The following CLYBL variants were observed in gnomAD, a reference collection of about 807,000 sequenced individuals.
The protein encoded by CLYBL is citramalyl-CoA lyase.
A neutral mutation model predicts 38.9 loss-of-function variants in CLYBL; 31 were observed. The ratio of observed to expected loss-of-function variants is 0.80; its 90% CI spans 0.60 to 1.08. The LOEUF is 1.08. Ranked by LOEUF, CLYBL falls within the 50% of genes least tolerant of loss-of-function variation. CLYBL has a pLI of 0.00. For synonymous variants in CLYBL, 171 were observed against 158.6 expected (o/e 1.08, Z -0.59); for missense variants, 434 against 411.6 (o/e 1.05, Z -0.47).
intron 1 of CLYBL, among the ~76,000 whole-genome samples, chr13:99,680,471 C>T (rs2047719163): frequency 6.6e-6 from 1 of 152,188 alleles, no homozygotes; most frequent in South Asian, 2.1e-4. Context: ...TCTAAGTTGA[C>T]CAACCTTGTA....
At chr13:99,727,220 A>G (rs1462479686) in intron 1 of CLYBL, 1 of 152,130 alleles carries the variant, frequency 6.6e-6, no homozygotes. Context: ...GGCCTGGGGA[A>G]TAGACCTGCC....
intron 7 of CLYBL, among the ~76,000 whole-genome samples, chr13:99,876,694 G>T (rs1413361609): frequency 1.3e-5 from 2 of 152,138 alleles, no homozygotes; most frequent in Admixed American, 1.3e-4. Flanking sequence ...TTCAGAAGCT[G>T]CCCAGTATCA....
At chr13:99,705,870 A>G (rs2048138893) in intron 1 of CLYBL, among the ~76,000 whole-genome samples, 1 of 152,074 alleles carries the variant, frequency 6.6e-6, no homozygotes, top group East Asian at 1.9e-4. Context: ...ACAAAACTAT[A>G]CCTAAAAATG....
chr13:99,650,436 T>G (rs1324848736), intron 1 of CLYBL, among the ~76,000 whole-genome samples: 1 of 152,110 alleles, frequency 6.6e-6, no homozygotes, highest in Non-Finnish European at 1.5e-5. Context: ...AAAGAAGTTT[T>G]CAAGAGGGGA....
At chr13:99,743,996 G>A (rs1432065490) in intron 1 of CLYBL, among the ~76,000 whole-genome samples, 1 of 123,874 alleles carries the variant, frequency 8.1e-6, no homozygotes, top group African/African-American at 3.3e-5. Flanking sequence ...TTTTTGAGAC[G>A]GAGTTTCGCT....
At chr13:99,638,947 G>A (rs531868263) in intron 1 of CLYBL, among the ~76,000 whole-genome samples, 16 of 152,126 alleles carry the variant, frequency 1.1e-4, no homozygotes, top group Non-Finnish European at 2.1e-4. Flanking sequence ...AGCTGGGATC[G>A]CAACCACAGG....
intron 2 of CLYBL, among the ~76,000 whole-genome samples, chr13:99,839,296 T>C (rs984835612): frequency 6.6e-6 from 1 of 152,166 alleles, no homozygotes; most frequent in Non-Finnish European, 1.5e-5. Flanking sequence ...TGATCAGAAC[T>C]AGGAGGGTTC....
In CLYBL at chr13:99,857,025, G is replaced by A. The variant is rs139252741; in HGVS notation, c.250-1836G>A. On this transcript the variant is annotated intron_variant, in intron 2 of 8. Coordinates refer to ENST00000339105, the MANE Select transcript of CLYBL (RefSeq NM_206808.5). ...TCTGCTCTTCACCTTTAAGATTTTC[G>A]TATTTAGGGCCGGGCACCGTGGCTC... Among the ~76,000 whole-genome samples, 24 of 151,682 alleles carry A rather than the reference G, an allele frequency of 1.6e-4. No individual in the cohort carries two copies. The East Asian group carries it at 3.5e-3, about 22-fold the overall frequency.
chr13:99,648,840 T>C (rs556703728), intron 1 of CLYBL, among the ~76,000 whole-genome samples: 41 of 152,310 alleles, frequency 2.7e-4, no homozygotes, highest in African/African-American at 4.3e-4. Context: ...CTCAGTCTTA[T>C]GTTTTACATG....
intron 1 of CLYBL, among the ~76,000 whole-genome samples, chr13:99,712,052 G>C (rs547634901): frequency 6.6e-6 from 1 of 152,280 alleles, no homozygotes; most frequent in East Asian, 1.9e-4. Context: ...CTCAGTCCTC[G>C]TGACTAATCA....
chr13:99,906,760 G>A (rs922204175), intron 9 of CLYBL, among the ~76,000 whole-genome samples: 1 of 152,154 alleles, frequency 6.6e-6, no homozygotes, highest in African/African-American at 2.4e-5. Context: ...TCAGATTTGG[G>A]CTGGAGAGCA....
intron 1 of CLYBL, among the ~76,000 whole-genome samples, chr13:99,677,228 C>G (rs1224193865): frequency 6.6e-6 from 1 of 152,046 alleles, no homozygotes. Context: ...GAATCCAGAT[C>G]ATTGTTTACT....
chr13:99,854,134 T>C (rs1488611982), intron 2 of CLYBL, among the ~76,000 whole-genome samples: 1 of 152,174 alleles, frequency 6.6e-6, no homozygotes. Context: ...CTTTCCTATT[T>C]CTTAATTACC....
At chr13:99,785,585 A>G (rs1410716736) in intron 2 of CLYBL, among the ~76,000 whole-genome samples, 2 of 146,610 alleles carry the variant, frequency 1.4e-5, no homozygotes, top group Admixed American at 1.4e-4. Flanking sequence ...ATTTTCTTCA[A>G]TATTTCTAAA....
chr13:99,859,543 G>A (rs931933633), intron 3 of CLYBL, among the ~76,000 whole-genome samples: 2 of 152,186 alleles, frequency 1.3e-5, no homozygotes, highest in African/African-American at 4.8e-5. Context: ...GCAACTGGAG[G>A]AATGAACAGG....
intron 2 of CLYBL, among the ~76,000 whole-genome samples, chr13:99,795,713 A>T (rs1404017058): frequency 6.6e-6 from 1 of 152,216 alleles, no homozygotes; most frequent in Non-Finnish European, 1.5e-5. Context: ...AAAAGCCTAG[A>T]GAGAAAGATG....
intron 1 of CLYBL, among the ~76,000 whole-genome samples, chr13:99,731,117 TGGAGA>T (rs1184152948): frequency 5.5e-5 from 8 of 145,340 alleles, no homozygotes; most frequent in South Asian, 4.4e-4. Flanking sequence ...GGCGGGGGCT[TGGAGA>T]GGAGAGGAGG....
chr13:99,797,520 TTAA>T (rs1421045208), intron 2 of CLYBL, among the ~76,000 whole-genome samples: 1 of 149,148 alleles, frequency 6.7e-6, no homozygotes, highest in African/African-American at 2.5e-5. Context: ...TTGTGTTGTA[TTAA>T]TATATAAAAG....
chr13:99,667,433 CTTTTTTTTTTTTTT>C (rs369360327), intron 1 of CLYBL, among the ~76,000 whole-genome samples: 22 of 127,818 alleles, frequency 1.7e-4, no homozygotes, highest in Non-Finnish European at 6.5e-5. Context: ...AAGAATCTTG[CTTTTTTTTTTTTTT>C]TTTTTTTTTA....
Sources: gnomAD v4.1 joint callset for allele counts (sites outside exome capture counted in the v4.1 genomes callset) on GRCh38, gnomAD v4.1.1 for gene constraint, MANE v1.5 for transcripts, NCBI Gene and HGNC (gene_info 2026-07-23, HGNC 2026-07-21) for gene names.